Variants in CCSER1 observed in about 807,000 individuals in gnomAD.
CCSER1 encodes serine-rich coiled-coil domain-containing protein 1.
A neutral mutation model predicts 82.0 loss-of-function variants in CCSER1; 41 were observed. The ratio of observed to expected loss-of-function variants is 0.50; its 90% CI spans 0.39 to 0.65. CCSER1 has a LOEUF of 0.65. CCSER1 is among the 30% of genes least tolerant of loss of function. The probability of loss-of-function intolerance (pLI) is 0.00; values close to 1 mark genes in which losing one functional copy is unlikely to be tolerated. For missense variants in CCSER1, 1,119 were observed against 1,064.2 expected (o/e 1.05, Z -0.72); for synonymous variants, 414 against 383.9 (o/e 1.08, Z -0.92).
At chr4:90,157,778 A>T (rs1206190843) in intron 1 of CCSER1, among the ~76,000 whole-genome samples, 3 of 151,906 alleles carry the variant, frequency 2.0e-5, no homozygotes, top group Non-Finnish European at 4.4e-5. Context: ...CATTCATCTA[A>T]ATTTTTTTCG....
At chr4:90,534,803 G>A (rs906031445) in intron 5 of CCSER1, among the ~76,000 whole-genome samples, 8 of 152,152 alleles carry the variant, frequency 5.3e-5, no homozygotes, top group Non-Finnish European at 1.0e-4. Context: ...TGCTACTGAA[G>A]TTAATCATTT....
At chr4:90,257,685 G>C (rs1237761893) in intron 1 of CCSER1, among the ~76,000 whole-genome samples, 1 of 152,132 alleles carries the variant, frequency 6.6e-6, no homozygotes, top group African/African-American at 2.4e-5. Context: ...CGATTATGGA[G>C]GTTGGAAAAT....
intron 10 of CCSER1, among the ~76,000 whole-genome samples, chr4:91,302,273 A>G (rs1263795304): frequency 6.6e-6 from 1 of 151,922 alleles, no homozygotes; most frequent in African/African-American, 2.4e-5. Flanking sequence ...GTAAATAGCT[A>G]CCTGTTTTCA....
chr4:91,396,944 C>T (rs1337822293), intron 10 of CCSER1, among the ~76,000 whole-genome samples: 1 of 151,950 alleles, frequency 6.6e-6, no homozygotes, highest in Non-Finnish European at 1.5e-5. Context: ...CCTGGAAGCC[C>T]CACAAACACT....
intron 3 of CCSER1, among the ~76,000 whole-genome samples, chr4:90,389,696 CAATA>C (rs1478360437): frequency 1.3e-5 from 2 of 152,268 alleles, no homozygotes; most frequent in East Asian, 3.9e-4. Flanking sequence ...GCAGGAAGTA[CAATA>C]AATAGTCCGT....
intron 1 of CCSER1, among the ~76,000 whole-genome samples, chr4:90,176,468 A>G (rs546533331): frequency 6.6e-5 from 10 of 152,130 alleles, no homozygotes; most frequent in African/African-American, 2.4e-4. Flanking sequence ...TCTACTGGAA[A>G]CAGTATTGAA....
chr4:90,858,478 T>C (rs531513165), intron 8 of CCSER1, among the ~76,000 whole-genome samples: 1 of 152,072 alleles, frequency 6.6e-6, no homozygotes, highest in Non-Finnish European at 1.5e-5. Context: ...AATTAAACCT[T>C]TTCTATTTGT....
At chr4:90,380,893 A>T (rs907123811) in intron 3 of CCSER1, among the ~76,000 whole-genome samples, 1 of 152,300 alleles carries the variant, frequency 6.6e-6, no homozygotes, top group African/African-American at 2.4e-5. Context: ...TTATAGTCCA[A>T]TCAGGGAAAC....
chr4:91,534,468 A>G (rs1374054952), intron 10 of CCSER1, among the ~76,000 whole-genome samples: 4 of 152,022 alleles, frequency 2.6e-5, no homozygotes, highest in African/African-American at 7.2e-5. Flanking sequence ...GCTTTCTATC[A>G]TGGGCAATTC....
At chr4:90,204,973 A>T (rs1738512705) in intron 1 of CCSER1, among the ~76,000 whole-genome samples, 1 of 152,128 alleles carries the variant, frequency 6.6e-6, no homozygotes, top group Non-Finnish European at 1.5e-5. Flanking sequence ...ATGGAAGTTC[A>T]CTCAAGATTT....
At chr4:91,251,035 C>G (rs1189148386) in intron 10 of CCSER1, among the ~76,000 whole-genome samples, 1 of 152,134 alleles carries the variant, frequency 6.6e-6, no homozygotes, top group African/African-American at 2.4e-5. Flanking sequence ...CCCAACAAAC[C>G]TCTGAAGTAG....
chr4:91,297,373 GTGTGTGTGTGTA>G (rs767244441), intron 10 of CCSER1, among the ~76,000 whole-genome samples: 3,277 of 101,320 alleles, frequency 0.032, 53 homozygotes, highest in Non-Finnish European at 0.04. Flanking sequence ...GCTTGTGTGT[GTGTGTGTGTGTA>G]TGTGTGTGTG....
chr4:90,398,351 T>C (rs978043467), intron 3 of CCSER1, among the ~76,000 whole-genome samples: 2 of 152,164 alleles, frequency 1.3e-5, no homozygotes, highest in Non-Finnish European at 2.9e-5. Flanking sequence ...TTAAATCCCA[T>C]GAATTCAAAA....
rs949182090 is a variant in CCSER1, at chr4:91,585,803, G to A, written c.2218-12769G>A. The stretch of plus-strand genomic sequence containing the variant: ...AAACCCAATGATTAAAGAAAAAATT[G>A]TCCTAGGAAGGAATTAAAGAGGGAG... On this transcript the variant is annotated intron_variant, in intron 10 of 10. Coordinates refer to ENST00000509176, the MANE Select transcript of CCSER1 (RefSeq NM_001145065.2). 4.6e-5 allele frequency among the ~76,000 whole-genome samples: 7 copies of A among 151,526 alleles called. No homozygotes were observed. In the Admixed American group the frequency reaches 4.6e-4, roughly 10 times the overall value.
At chr4:90,582,378 A>G (rs1370432620) in intron 5 of CCSER1, among the ~76,000 whole-genome samples, 3 of 152,326 alleles carry the variant, frequency 2.0e-5, no homozygotes, top group African/African-American at 7.2e-5. Context: ...GAACAAAGGC[A>G]TAGATATTAG....
chr4:90,379,139 T>C (rs748051998), intron 3 of CCSER1, among the ~76,000 whole-genome samples: 6 of 152,208 alleles, frequency 3.9e-5, no homozygotes, highest in Non-Finnish European at 8.8e-5. Flanking sequence ...AACACAGATT[T>C]ATTTCTTGCT....
At chr4:90,292,278 A>G (rs914308345) in intron 1 of CCSER1, among the ~76,000 whole-genome samples, 2 of 151,890 alleles carry the variant, frequency 1.3e-5, no homozygotes, top group African/African-American at 4.8e-5. Context: ...TTAACTTTGA[A>G]CTAGAAAAAA....
Position 90,825,755 on chromosome 4 carries a change from G to A in CCSER1, c.2094+9910G>A, listed in dbSNP as rs182759145. Among the ~76,000 whole-genome samples, 967 of 143,602 alleles carry A rather than the reference G, an allele frequency of 6.7e-3. 3 individuals are homozygous for A. Among genetic ancestry groups the A allele is most frequent in the Middle Eastern group, 0.015 (4 of 270 alleles). The allele number at this position is 143,602 out of a possible 152,430, so 94.2% of individuals were successfully genotyped here. A position where few individuals can be genotyped will look rare whatever the true frequency, so the allele number is the denominator to read the frequency against. On this transcript the variant is annotated intron_variant, in intron 8 of 10. Transcript: ENST00000509176. ...GCTTTTTTTTTTTTTTTTTGAGATG[G>A]AGTCTCGCTCTGTCACCAGACTGGA...
chr4:91,483,788 AATTT>A (rs1190453807), intron 10 of CCSER1, among the ~76,000 whole-genome samples: 2 of 152,168 alleles, frequency 1.3e-5, no homozygotes, highest in Non-Finnish European at 2.9e-5. Flanking sequence ...TGTCAAGAGT[AATTT>A]ATTCTGAAAT....
Sources: gnomAD v4.1 joint callset for allele counts (sites outside exome capture counted in the v4.1 genomes callset) on GRCh38, gnomAD v4.1.1 for gene constraint, MANE v1.5 for transcripts, NCBI Gene and HGNC (gene_info 2026-07-23, HGNC 2026-07-21) for gene names.